Variants in LRBA observed in about 807,000 individuals in gnomAD.
LRBA encodes the protein lipopolysaccharide-responsive and beige-like anchor protein.
In LRBA, 176 loss-of-function variants were observed where a neutral mutation model predicts 330.0. That is an observed-to-expected ratio of 0.53 (90% CI 0.47 to 0.60). The LOEUF is 0.60. Among genes scored for constraint, LRBA ranks in the 20% least tolerant of loss-of-function variants. The pLI, the probability that LRBA is intolerant of heterozygous loss-of-function variation, is 0.00. For missense variants in LRBA, 3,259 were observed against 3,444.8 expected (o/e 0.95, Z 1.35); for synonymous variants, 1,230 against 1,193.0 (o/e 1.03, Z -0.64).
intron 37 of LRBA, among the ~76,000 whole-genome samples, chr4:150,631,994 G>T (rs1271561843): frequency 2.6e-5 from 4 of 152,186 alleles, no homozygotes; most frequent in Non-Finnish European, 5.9e-5. Context: ...ACTTTGGGAG[G>T]CCAAGGCGGG....
intron 35 of LRBA, among the ~76,000 whole-genome samples, chr4:150,748,450 C>T (rs1156402694): frequency 2.0e-5 from 3 of 152,032 alleles, no homozygotes; most frequent in African/African-American, 4.8e-5. Context: ...AGGCAGATCA[C>T]GAGGTCAGGA....
intron 30 of LRBA, among the ~76,000 whole-genome samples, chr4:150,821,644 T>G (rs1271173601): frequency 6.6e-6 from 1 of 152,182 alleles, no homozygotes; most frequent in Non-Finnish European, 1.5e-5. Context: ...ACACAAATGC[T>G]ATTTTACTTA....
chr4:150,864,443 GC>G (rs1257098852), intron 22 of LRBA, among the ~76,000 whole-genome samples: 1 of 152,018 alleles, frequency 6.6e-6, no homozygotes, highest in Non-Finnish European at 1.5e-5. Context: ...CAAGAAGAGT[GC>G]CATTATTTCA....
intron 30 of LRBA, among the ~76,000 whole-genome samples, chr4:150,819,142 G>A (rs1745044039): frequency 6.7e-6 from 1 of 150,268 alleles, no homozygotes; most frequent in Non-Finnish European, 1.5e-5. Context: ...AATCTCAAAA[G>A]CATTATGTTG....
intron 47 of LRBA, among the ~76,000 whole-genome samples, chr4:150,350,610 C>G (rs1737019428): frequency 6.6e-6 from 1 of 151,026 alleles, no homozygotes; most frequent in Non-Finnish European, 1.5e-5. Context: ...GTCCTAGTTT[C>G]TACCAGAATC....
rs1464780985 is a variant in LRBA at position 150,271,526 on chromosome 4, G to T, written c.8469-5714C>A. Among the ~76,000 whole-genome samples, 5 of 114,370 alleles carry T rather than the reference G, an allele frequency of 4.4e-5. 1 individual carries two copies. Among genetic ancestry groups the T allele is most frequent in the Non-Finnish European group, 8.8e-5 (5 of 56,940 alleles). The allele number at this position is 114,370 out of a possible 152,430, so 75.0% of individuals were successfully genotyped here. ...TTGACCTGGGACACTCAAGCTTGGTGGGGGGAGGAGCAGCCAGGGAGCCAA... is the reference window on the plus strand; with the variant it reads ...TTGACCTGGGACACTCAAGCTTGGTTGGGGGAGGAGCAGCCAGGGAGCCAA... On this transcript the variant is annotated intron_variant, in intron 56 of 56. Transcript: ENST00000651943.
intron 37 of LRBA, among the ~76,000 whole-genome samples, chr4:150,639,241 G>A (rs1233716167): frequency 5.6e-5 from 8 of 142,422 alleles, no homozygotes; most frequent in Non-Finnish European, 1.2e-4. Context: ...GGATAGCATT[G>A]GGAGATAAAC....
chr4:150,845,349 CTTTCATT>C (rs1268934535), intron 26 of LRBA, among the ~76,000 whole-genome samples: 1 of 152,058 alleles, frequency 6.6e-6, no homozygotes, highest in Non-Finnish European at 1.5e-5. Flanking sequence ...CATTTACTAG[CTTTCATT>C]AAAACTGCTT....
At chr4:150,906,112 G>T in intron 12 of LRBA, 122 bp from the exon 13 acceptor site, 1 of 867,994 alleles carries the variant, frequency 1.2e-6, no homozygotes, top group Non-Finnish European at 1.8e-6. Context: ...ATGCCATGAA[G>T]CTCACTATCA....
At chr4:150,516,256 T>C (rs1762352943) in intron 40 of LRBA, among the ~76,000 whole-genome samples, 1 of 138,012 alleles carries the variant, frequency 7.2e-6, no homozygotes, top group Non-Finnish European at 1.5e-5. Flanking sequence ...TAAGTACCTG[T>C]TGTGATGCAC....
At chr4:150,479,883 G>A (rs1757107800) in intron 42 of LRBA, among the ~76,000 whole-genome samples, 1 of 152,138 alleles carries the variant, frequency 6.6e-6, no homozygotes, top group African/African-American at 2.4e-5. Flanking sequence ...TCCTTTGACA[G>A]CCATCCAGCC....
chr4:151,001,926 TCAC>T (rs963641256), intron 2 of LRBA, among the ~76,000 whole-genome samples: 18 of 151,492 alleles, frequency 1.2e-4, no homozygotes, highest in Admixed American at 3.3e-4. Flanking sequence ...CAGCAAAACT[TCAC>T]CACAGCCTCC....
intron 15 of LRBA, among the ~76,000 whole-genome samples, chr4:150,896,841 CT>C (rs1328386253): frequency 6.6e-6 from 1 of 151,886 alleles, no homozygotes; most frequent in Non-Finnish European, 1.5e-5. Context: ...TGAACAGTTT[CT>C]GAAATTATCA....
intron 5 of LRBA, among the ~76,000 whole-genome samples, chr4:150,917,274 G>GAAA (rs146289600): frequency 1.3e-5 from 2 of 151,102 alleles, no homozygotes; most frequent in African/African-American, 4.9e-5. Context: ...TTAATTAAAT[G>GAAA]AAAAAAAAAT....
At chr4:150,314,214 T>C (rs1399031014) in intron 51 of LRBA, among the ~76,000 whole-genome samples, 1 of 152,128 alleles carries the variant, frequency 6.6e-6, no homozygotes, top group East Asian at 1.9e-4. Context: ...GAAATAATGC[T>C]TTAAATGACT....
intron 42 of LRBA, among the ~76,000 whole-genome samples, chr4:150,487,290 A>C (rs986559284): frequency 2.0e-5 from 3 of 150,832 alleles, no homozygotes; most frequent in Non-Finnish European, 4.4e-5. Context: ...CTTTGAAAAG[A>C]ATAGTAATTA....
chr4:150,517,411 C>T (rs556033673), intron 40 of LRBA, among the ~76,000 whole-genome samples: 1 of 152,210 alleles, frequency 6.6e-6, no homozygotes, highest in South Asian at 2.1e-4. Context: ...GTCCCAGCTA[C>T]TCAGGAGGCT....
At chr4:150,434,157 T>A (rs1750788561) in intron 46 of LRBA, among the ~76,000 whole-genome samples, 1 of 152,172 alleles carries the variant, frequency 6.6e-6, no homozygotes, top group Admixed American at 6.5e-5. Flanking sequence ...ATGGTATAAT[T>A]ATTTATATAT....
At chr4:150,810,549 G>T (rs562241800) in intron 31 of LRBA, among the ~76,000 whole-genome samples, 1 of 152,230 alleles carries the variant, frequency 6.6e-6, no homozygotes, top group South Asian at 2.1e-4. Flanking sequence ...GGACGCATAG[G>T]ATTCGTTTAA....
Sources: allele counts gnomAD v4.1 joint callset (sites outside exome capture counted in the v4.1 genomes callset), GRCh38; gene constraint gnomAD v4.1.1; transcripts MANE v1.5; gene names NCBI Gene and HGNC (gene_info 2026-07-23, HGNC 2026-07-21).